Variants in GALNTL6 observed in about 807,000 individuals in gnomAD.
GALNTL6 encodes polypeptide N-acetylgalactosaminyltransferase-like 6.
GALNTL6 carries 46 observed loss-of-function variants against 73.7 expected under a neutral mutation model. The ratio of observed to expected loss-of-function variants is 0.62; its 90% CI spans 0.49 to 0.80. GALNTL6 has a LOEUF of 0.80. Among genes scored for constraint, GALNTL6 ranks in the 30% least tolerant of loss-of-function variants. The pLI is 0.00. For missense variants in GALNTL6, 604 were observed against 755.0 expected (o/e 0.80, Z 2.34); for synonymous variants, 259 against 263.7 (o/e 0.98, Z 0.17).
intron 2 of GALNTL6, among the ~76,000 whole-genome samples, chr4:171,964,141 T>C (rs754890718): frequency 3.9e-5 from 6 of 151,962 alleles, no homozygotes; most frequent in Non-Finnish European, 8.8e-5. Context: ...GCACAAATAA[T>C]AATACTGATT....
intron 2 of GALNTL6, among the ~76,000 whole-genome samples, chr4:172,017,071 A>T (rs1741219213): frequency 6.6e-6 from 1 of 151,904 alleles, no homozygotes; most frequent in Admixed American, 6.6e-5. Flanking sequence ...CTAATAGGGG[A>T]GTTATTCCTG....
intron 3 of GALNTL6, among the ~76,000 whole-genome samples, chr4:172,271,427 A>C (rs140749882): frequency 2.0e-5 from 3 of 152,182 alleles, no homozygotes; most frequent in African/African-American, 7.2e-5. Context: ...ATATATACAA[A>C]CATGCATACA....
chr4:172,084,519 G>A (rs1731970282), intron 2 of GALNTL6, among the ~76,000 whole-genome samples: 1 of 152,174 alleles, frequency 6.6e-6, no homozygotes, highest in African/African-American at 2.4e-5. Context: ...ATTAATATTT[G>A]TACAGTGCAA....
At chr4:172,357,039 T>C (rs1038623002) in intron 5 of GALNTL6, among the ~76,000 whole-genome samples, 3 of 152,266 alleles carry the variant, frequency 2.0e-5, no homozygotes, top group African/African-American at 7.2e-5. Context: ...TTTCACTATG[T>C]GTATACCCAA....
intron 2 of GALNTL6, among the ~76,000 whole-genome samples, chr4:171,836,946 T>A (rs927375863): frequency 1.3e-5 from 2 of 152,194 alleles, no homozygotes; most frequent in African/African-American, 4.8e-5. Context: ...TGCATTCATG[T>A]TTTGTAATAC....
chr4:172,288,583 C>T (rs751275886), intron 3 of GALNTL6, among the ~76,000 whole-genome samples: 8 of 152,206 alleles, frequency 5.3e-5, no homozygotes, highest in African/African-American at 9.6e-5. Flanking sequence ...TACCTTAATT[C>T]GTTTCCCTAG....
intron 5 of GALNTL6, among the ~76,000 whole-genome samples, chr4:172,724,618 T>C (rs1464515763): frequency 6.6e-6 from 1 of 152,182 alleles, no homozygotes; most frequent in Non-Finnish European, 1.5e-5. Context: ...TCCTATGCTC[T>C]TCCTGACACA....
In GALNTL6 at chr4:172,859,643, G is replaced by C. The variant is rs148188548; in HGVS notation, c.924-23147G>C. 2.5e-3 allele frequency among the ~76,000 whole-genome samples: 388 copies of C among 152,254 alleles called. 3 individuals carry two copies. The highest frequency in any genetic ancestry group is 0.013 in the South Asian group (63 of 4,818). On this transcript the variant is annotated intron_variant, in intron 7 of 12. Coordinates refer to ENST00000506823, the MANE Select transcript of GALNTL6 (RefSeq NM_001034845.3). Reference sequence around the variant, plus strand: ...GACAGGTTTGAGAAAAAAATTAACAGGGGTAGAATAAAAAGCAAAAAATGA... The same window carrying C: ...GACAGGTTTGAGAAAAAAATTAACACGGGTAGAATAAAAAGCAAAAAATGA...
intron 2 of GALNTL6, among the ~76,000 whole-genome samples, chr4:171,884,180 T>C (rs1453128728): frequency 2.0e-5 from 3 of 152,198 alleles, no homozygotes; most frequent in Non-Finnish European, 4.4e-5. Context: ...AGTGACCTCC[T>C]GAATTACCAA....
In GALNTL6 at chr4:171,822,349, G is replaced by C. The variant is rs144619438; in HGVS notation, c.138+7631G>C. ...TTGGCATTAAGCAAAGGGGAGTTCA[G>C]ATACTTCAAGTTTGTAGGTGGGCCT... On this transcript the variant is annotated intron_variant, in intron 2 of 12. Coordinates refer to ENST00000506823, the MANE Select transcript of GALNTL6 (RefSeq NM_001034845.3). Among the ~76,000 whole-genome samples the C allele has an allele frequency of 1.9e-3, 288 of 152,278 alleles. 1 individual carries two copies. Among genetic ancestry groups the C allele is most frequent in the African/African-American group, 6.5e-3 (270 of 41,550 alleles).
In GALNTL6 at chr4:172,371,086, G is replaced by C. The variant is rs574428228; in HGVS notation, c.553+22397G>C. 2.1e-4 allele frequency among the ~76,000 whole-genome samples: 32 copies of C among 152,334 alleles called. No individual in the cohort carries two copies. The South Asian group carries it at 6.4e-3, about 31-fold the overall frequency. On this transcript the variant is annotated intron_variant, in intron 5 of 12. Transcript: ENST00000506823. ...CTTCCTGATTCTGTAAGTACTTTAA[G>C]ATTTGGCTCAGTGCAAACAGCTCAC...
intron 6 of GALNTL6, among the ~76,000 whole-genome samples, chr4:172,812,548 G>A (rs773323766): frequency 3.3e-5 from 5 of 151,770 alleles, no homozygotes; most frequent in African/African-American, 4.8e-5. Flanking sequence ...AGTGCCCTTT[G>A]CCAGCTGTTA....
At chr4:172,480,903 G>C (rs772652092) in intron 5 of GALNTL6, among the ~76,000 whole-genome samples, 32 of 152,122 alleles carry the variant, frequency 2.1e-4, no homozygotes, top group Non-Finnish European at 4.4e-4. Flanking sequence ...CATGAAAAAG[G>C]ATCAAAGCAC....
At chr4:172,438,948 A>G (rs1048049193) in intron 5 of GALNTL6, among the ~76,000 whole-genome samples, 2 of 151,954 alleles carry the variant, frequency 1.3e-5, no homozygotes, top group African/African-American at 4.8e-5. Flanking sequence ...CTTCTTTTCT[A>G]TGCCTATGAA....
chr4:172,339,838 T>A (rs958332524), intron 4 of GALNTL6, among the ~76,000 whole-genome samples: 1 of 152,202 alleles, frequency 6.6e-6, no homozygotes, highest in Non-Finnish European at 1.5e-5. Context: ...TGTTTGCACA[T>A]GGTCTTCTTT....
chr4:172,183,106 G>T (rs1004491559), intron 2 of GALNTL6, among the ~76,000 whole-genome samples: 4 of 152,018 alleles, frequency 2.6e-5, no homozygotes, highest in Non-Finnish European at 5.9e-5. Context: ...GCTTTGCTTT[G>T]TGACAACCAA....
At chr4:172,950,892 G>A (rs1749411132) in intron 9 of GALNTL6, among the ~76,000 whole-genome samples, 1 of 152,190 alleles carries the variant, frequency 6.6e-6, no homozygotes, top group Non-Finnish European at 1.5e-5. Context: ...AAGAAGTAGA[G>A]ACTAAGGGAC....
intron 2 of GALNTL6, among the ~76,000 whole-genome samples, chr4:171,997,292 C>T (rs1740522771): frequency 6.6e-6 from 1 of 152,068 alleles, no homozygotes; most frequent in African/African-American, 2.4e-5. Context: ...TTCTTGGATT[C>T]CATTATCCAT....
At chr4:172,797,647 T>C (rs1372987653) in intron 5 of GALNTL6, among the ~76,000 whole-genome samples, 2 of 152,122 alleles carry the variant, frequency 1.3e-5, no homozygotes, top group Non-Finnish European at 2.9e-5. Context: ...GTTCAGATTC[T>C]CATGTCTCAG....
Sources: allele counts gnomAD v4.1 joint callset (sites outside exome capture counted in the v4.1 genomes callset), GRCh38; gene constraint gnomAD v4.1.1; transcripts MANE v1.5; gene names NCBI Gene and HGNC (gene_info 2026-07-23, HGNC 2026-07-21).